The following MARCHF3 variants were observed in gnomAD, a reference collection of about 807,000 sequenced individuals.
MARCHF3 encodes E3 ubiquitin-protein ligase MARCHF3.
In MARCHF3, 13 loss-of-function variants were observed where a neutral mutation model predicts 24.2. The observed-to-expected ratio is 0.54, with a 90% CI of 0.35 to 0.85. The LOEUF is 0.85. Ranked by LOEUF, MARCHF3 falls within the 40% of genes least tolerant of loss-of-function variation. The pLI, the probability that MARCHF3 is intolerant of heterozygous loss-of-function variation, is 0.01. For missense variants in MARCHF3, 276 were observed against 325.0 expected, an observed-to-expected ratio of 0.85 and a Z score of 1.16; for synonymous variants, 144 against 137.3, an observed-to-expected ratio of 1.05 and a Z score of -0.34.
At chr5:126,984,216 C>T (rs532146322) in intron 1 of MARCHF3, among the ~76,000 whole-genome samples, 9 of 151,916 alleles carry the variant, frequency 5.9e-5, no homozygotes, top group South Asian at 2.1e-4. Flanking sequence ...GGACAGGCCA[C>T]GTGGACTGAT....
chr5:126,880,966 CTTAT>C (rs1419488073), intron 3 of MARCHF3, among the ~76,000 whole-genome samples: 8 of 152,120 alleles, frequency 5.3e-5, no homozygotes, highest in Non-Finnish European at 1.2e-4. Context: ...TAGTACTTTA[CTTAT>C]TTATGTGGCC....
chr5:127,010,318 CTGT>C (rs1752435473), intron 1 of MARCHF3, among the ~76,000 whole-genome samples: 1 of 152,128 alleles, frequency 6.6e-6, no homozygotes, highest in Non-Finnish European at 1.5e-5. Context: ...CAAAATCAAC[CTGT>C]TTCATTTCAA....
chr5:127,002,791 C>G (rs1752170642), intron 1 of MARCHF3, among the ~76,000 whole-genome samples: 1 of 152,328 alleles, frequency 6.6e-6, no homozygotes, highest in Admixed American at 6.5e-5. Flanking sequence ...ACCCAGATTC[C>G]AACCCCTTCT....
intron 1 of MARCHF3, among the ~76,000 whole-genome samples, chr5:127,019,753 G>A (rs542095862): frequency 2.5e-4 from 38 of 152,132 alleles, no homozygotes; most frequent in African/African-American, 8.5e-4. Flanking sequence ...CTTACTTTTC[G>A]CATGAGATAA....
intron 1 of MARCHF3, among the ~76,000 whole-genome samples, chr5:127,017,872 A>G (rs926656176): frequency 6.6e-5 from 10 of 152,226 alleles, no homozygotes; most frequent in Non-Finnish European, 1.2e-4. Flanking sequence ...TATTCAGCTC[A>G]AATGACAACC....
At chr5:126,914,811 C>CACACACACACACACAG (rs1157735403) in intron 3 of MARCHF3, 119 bp downstream of exon 3, 2 of 869,198 alleles carry the variant, frequency 2.3e-6, no homozygotes, top group South Asian at 3.2e-5. Flanking sequence ...CACACACACA[C>CACACACACACACACAG]AGTCACATAG....
intron 1 of MARCHF3, among the ~76,000 whole-genome samples, chr5:127,009,999 A>C (rs1752427956): frequency 6.6e-6 from 1 of 152,312 alleles, no homozygotes; most frequent in African/African-American, 2.4e-5. Context: ...AGTCCATACA[A>C]ATGATCCAGT....
At position 126,899,346 on chromosome 5, in the gene MARCHF3, T is replaced by C. The variant is rs181142713; in HGVS notation, c.393+15584A>G. ...AAAAATCAGTGTTTTCCTTTCTGGG[T>C]TGCAAAATAAGGTTTACCAATCTGA... On this transcript the variant is annotated intron_variant, in intron 3 of 4. Transcript: ENST00000308660. 7.9e-3 allele frequency: 7,760 copies of C among 979,902 alleles called. 30 individuals are homozygous for C. The highest frequency in any genetic ancestry group is 8.8e-3 in the Non-Finnish European group (7,284 of 825,124). The allele number at this position is 979,902 out of a possible 1,614,324, so 60.7% of individuals were successfully genotyped here. A position where few individuals can be genotyped will look rare whatever the true frequency, so the allele number is the denominator to read the frequency against.
At chr5:126,882,391 T>C (rs926161519) in intron 3 of MARCHF3, among the ~76,000 whole-genome samples, 2 of 152,234 alleles carry the variant, frequency 1.3e-5, no homozygotes, top group Non-Finnish European at 2.9e-5. Context: ...CTGGTCTGTG[T>C]CAATTCTTTT....
intron 1 of MARCHF3, among the ~76,000 whole-genome samples, chr5:126,922,113 G>A (rs1488091482): frequency 2.0e-5 from 3 of 152,158 alleles, no homozygotes; most frequent in Admixed American, 6.5e-5. Context: ...ACGAGGATGC[G>A]GCCACAGGTC....
At chr5:126,964,747 C>T (rs1477019991) in intron 1 of MARCHF3, among the ~76,000 whole-genome samples, 2 of 152,124 alleles carry the variant, frequency 1.3e-5, no homozygotes, top group Non-Finnish European at 2.9e-5. Flanking sequence ...GGGAGGTCAA[C>T]GCCAAGTTCT....
chr5:126,997,297 C>T (rs1203763916), intron 1 of MARCHF3, among the ~76,000 whole-genome samples: 1 of 152,054 alleles, frequency 6.6e-6, no homozygotes, highest in Non-Finnish European at 1.5e-5. Context: ...GATGTGAATG[C>T]ATGGGAAAGC....
chr5:126,995,177 C>T lies in MARCHF3; in HGVS notation c.-57+35173G>A, dbSNP rs1751909073. Reference sequence around the variant, plus strand: ...GCATCCTTCAATCTAATCAAGTTGACACTCAATATTAACCACTACTCTTGG... The same window carrying T: ...GCATCCTTCAATCTAATCAAGTTGATACTCAATATTAACCACTACTCTTGG... On this transcript the variant is annotated intron_variant, in intron 1 of 4. Transcript: ENST00000308660. 2.6e-5 allele frequency among the ~76,000 whole-genome samples: 4 copies of T among 152,334 alleles called. No homozygotes were observed. The South Asian group carries it at 8.3e-4, about 32-fold the overall frequency.
At chr5:126,895,597 G>A (rs915885630) in intron 3 of MARCHF3, among the ~76,000 whole-genome samples, 3 of 152,044 alleles carry the variant, frequency 2.0e-5, no homozygotes, top group Admixed American at 6.6e-5. Flanking sequence ...TGCCCCTGCT[G>A]GGGGGTGCCT....
intron 4 of MARCHF3, among the ~76,000 whole-genome samples, chr5:126,874,615 G>A (rs1465159837): frequency 2.0e-5 from 3 of 151,542 alleles, no homozygotes; most frequent in Non-Finnish European, 2.9e-5. Flanking sequence ...GTCACAGAAG[G>A]CTTTGGGATA....
intron 1 of MARCHF3, among the ~76,000 whole-genome samples, chr5:126,977,576 T>C (rs1407113452): frequency 1.3e-5 from 2 of 152,224 alleles, no homozygotes; most frequent in East Asian, 1.9e-4. Context: ...GCTTGGAAGA[T>C]AAATTTCTAG....
chr5:126,949,553 T>C (rs1343296524), intron 1 of MARCHF3, among the ~76,000 whole-genome samples: 4 of 152,066 alleles, frequency 2.6e-5, no homozygotes. Context: ...ACTCCATCTC[T>C]CTCCCTTCCA....
rs1202819701 is a variant in MARCHF3 at position 126,914,645 on chromosome 5, G to C, written c.393+285C>G. 9 of 506,690 alleles carry C rather than the reference G, an allele frequency of 1.8e-5. No individual in the cohort carries two copies. In the Middle Eastern group the frequency reaches 1.5e-3, roughly 86 times the overall value. 31.4% of individuals were successfully genotyped at this position (506,690 alleles called of 1,614,324 possible). ...ACAGGGATTGAAAAATGGAGATCAA[G>C]TCTCTAAACTGGCCCTTTCTCCTTA... On this transcript the variant is annotated intron_variant, in intron 3 of 4. Transcript: ENST00000308660.
At position 126,867,772 on chromosome 5, in the gene MARCHF3, T is replaced by G. The variant is rs1219621595; in HGVS notation, c.*2861A>C. On this transcript the variant is annotated 3_prime_UTR_variant, in exon 5 of 5. Transcript: ENST00000308660. ...ATGGATTTTACAGCTCATCTGAGTC[T>G]CTGCTGTGTTCTCTGAGGAGCTGTA... is the stretch of plus-strand genomic sequence containing the variant. 3.3e-5 allele frequency: 5 copies of G among 152,220 alleles called. No individual in the cohort carries two copies. Among genetic ancestry groups the G allele is most frequent in the African/African-American group, 4.8e-5 (2 of 41,458 alleles). The allele number at this position is 152,220 out of a possible 1,614,324, so 9.4% of individuals were successfully genotyped here. A position where few individuals can be genotyped will look rare whatever the true frequency, so the allele number is the denominator to read the frequency against.
Sources: allele counts gnomAD v4.1 joint callset (sites outside exome capture counted in the v4.1 genomes callset), GRCh38; gene constraint gnomAD v4.1.1; transcripts MANE v1.5; gene names NCBI Gene and HGNC (gene_info 2026-07-23, HGNC 2026-07-21).